SIPA1L3: variants seen among roughly 807,000 people sequenced by gnomAD.
SIPA1L3 encodes the protein signal-induced proliferation-associated 1-like protein 3.
SIPA1L3 carries 59 observed loss-of-function variants against 150.1 expected under a neutral mutation model. That is an observed-to-expected ratio of 0.39 (90% CI 0.32 to 0.49). The LOEUF is 0.49. Among genes scored for constraint, SIPA1L3 ranks in the 20% least tolerant of loss-of-function variants. The pLI is 0.86. For synonymous variants in SIPA1L3, 1,070 were observed against 1,077.6 expected (o/e 0.99, Z 0.14); for missense variants, 2,211 against 2,489.5 (o/e 0.89, Z 2.38).
intron 18 of SIPA1L3, among the ~76,000 whole-genome samples, chr19:38,196,026 C>T (rs926274996): frequency 6.6e-6 from 1 of 152,160 alleles, no homozygotes; most frequent in Non-Finnish European, 1.5e-5. Flanking sequence ...CTGACTCCCC[C>T]ACACCCCTGA....
intron 1 of SIPA1L3, among the ~76,000 whole-genome samples, chr19:37,961,688 A>G (rs1039848152): frequency 1.3e-5 from 2 of 151,994 alleles, no homozygotes; most frequent in African/African-American, 4.8e-5. Flanking sequence ...TTGGGCTATT[A>G]CTTGTTCAGA....
At chr19:38,089,671 C>G (rs1970219154) in intron 4 of SIPA1L3, among the ~76,000 whole-genome samples, 1 of 152,254 alleles carries the variant, frequency 6.6e-6, no homozygotes, top group Non-Finnish European at 1.5e-5. Flanking sequence ...GCCCATGGTC[C>G]TGGCTGGAAG....
At chr19:38,163,962 C>T (rs1600156715) in intron 14 of SIPA1L3, among the ~76,000 whole-genome samples, 1 of 152,212 alleles carries the variant, frequency 6.6e-6, no homozygotes, top group South Asian at 2.1e-4. Flanking sequence ...GCTGCACTGG[C>T]CCCAGGGGGA....
chr19:38,204,099 A>T lies in SIPA1L3; in HGVS notation c.5121-28A>T, dbSNP rs1232348876. On this transcript the variant is annotated intron_variant, in intron 20 of 21. Transcript: ENST00000222345. ...CCTTCCCCAGGGGCTTTAGGGCCTC[A>T]GGCTGACCTTGTCCCTGGTTTTTCC... 5.2e-6 allele frequency: 8 copies of T among 1,546,142 alleles called. No individual in the cohort carries two copies. The Middle Eastern group carries it at 7.3e-4, about 141-fold the overall frequency.
chr19:38,093,232 G>T (rs571102952), intron 4 of SIPA1L3, among the ~76,000 whole-genome samples: 1 of 152,268 alleles, frequency 6.6e-6, no homozygotes, highest in African/African-American at 2.4e-5. Flanking sequence ...AAACCTAGAG[G>T]AGGGGAGAGG....
At chr19:37,998,997 ACACACACACACACACC>A (rs1039330654) in intron 1 of SIPA1L3, among the ~76,000 whole-genome samples, 3 of 151,484 alleles carry the variant, frequency 2.0e-5, no homozygotes, top group Admixed American at 6.6e-5. Context: ...ACACACACAC[ACACACACACACACACC>A]CACACACACA....
intron 1 of SIPA1L3, among the ~76,000 whole-genome samples, chr19:38,021,844 C>T (rs895529391): frequency 4.6e-5 from 7 of 152,076 alleles, no homozygotes; most frequent in Non-Finnish European, 7.3e-5. Context: ...CTGCACCCCG[C>T]GTATGAATCC....
At chr19:38,199,380 C>A (rs966699630) in intron 19 of SIPA1L3, among the ~76,000 whole-genome samples, 5 of 152,176 alleles carry the variant, frequency 3.3e-5, no homozygotes, top group African/African-American at 1.2e-4. Flanking sequence ...ACACTGACCA[C>A]TCCCCCGCAA....
At chr19:38,157,246 G>A (rs1355428118) in intron 13 of SIPA1L3, among the ~76,000 whole-genome samples, 1 of 152,216 alleles carries the variant, frequency 6.6e-6, no homozygotes, top group African/African-American at 2.4e-5. Context: ...GCCCAGCCCC[G>A]ATGGAGCGAG....
At chr19:38,006,638 A>C (rs374230698) in intron 1 of SIPA1L3, among the ~76,000 whole-genome samples, 9 of 152,322 alleles carry the variant, frequency 5.9e-5, no homozygotes, top group African/African-American at 2.2e-4. Flanking sequence ...CAAGAGCACA[A>C]GGCGTGCGCA....
At chr19:37,952,628 G>A (rs1221895520) in intron 1 of SIPA1L3, among the ~76,000 whole-genome samples, 3 of 152,072 alleles carry the variant, frequency 2.0e-5, no homozygotes, top group South Asian at 2.1e-4. Flanking sequence ...AGCCAAGATC[G>A]TGCCATTGCA....
At chr19:37,909,728 G>A (rs1008987801) in intron 1 of SIPA1L3, among the ~76,000 whole-genome samples, 5 of 152,204 alleles carry the variant, frequency 3.3e-5, no homozygotes, top group Admixed American at 2.0e-4. Flanking sequence ...TGGTGTCAGC[G>A]GCTTAGAATA....
intron 1 of SIPA1L3, among the ~76,000 whole-genome samples, chr19:37,988,872 C>T (rs532414848): frequency 1.3e-5 from 2 of 152,224 alleles, no homozygotes; most frequent in African/African-American, 2.4e-5. Flanking sequence ...GATCTCTGCG[C>T]GGGCCGTCCT....
intron 3 of SIPA1L3, among the ~76,000 whole-genome samples, chr19:38,088,127 G>T (rs760454077): frequency 1.3e-5 from 2 of 152,254 alleles, no homozygotes; most frequent in Non-Finnish European, 2.9e-5. Flanking sequence ...AACTGGGGAT[G>T]GTCATTGCCA....
intron 15 of SIPA1L3, among the ~76,000 whole-genome samples, chr19:38,173,365 G>A (rs780457436): frequency 4.6e-5 from 7 of 152,214 alleles, no homozygotes; most frequent in East Asian, 1.9e-4. Flanking sequence ...CCAGACATTC[G>A]TCATGGGAGC....
rs376892364 is a variant in SIPA1L3, at chr19:37,926,213, C to T, written c.-379+18855C>T. ...GAGGGTTGGTAGTCCTCCCCCGATT[C>T]CTCCTGCATCTCACCATCCTCTTTC... On this transcript the variant is annotated intron_variant, in intron 1 of 21. Transcript: ENST00000222345. 2.5e-4 allele frequency among the ~76,000 whole-genome samples: 38 copies of T among 152,308 alleles called. No homozygotes were observed. In the East Asian group the frequency reaches 3.9e-3, roughly 15 times the overall value.
intron 1 of SIPA1L3, among the ~76,000 whole-genome samples, chr19:37,911,266 T>G (rs1288097931): frequency 6.6e-6 from 1 of 151,864 alleles, no homozygotes; most frequent in Non-Finnish European, 1.5e-5. Flanking sequence ...TGTGTGTGTG[T>G]GTGTATCGAC....
intron 2 of SIPA1L3, among the ~76,000 whole-genome samples, chr19:38,071,220 T>TCTAC (rs1568532219): frequency 6.7e-6 from 1 of 149,538 alleles, no homozygotes; most frequent in Non-Finnish European, 1.5e-5. Context: ...TATCTATCTA[T>TCTAC]CTATCTATCT....
At chr19:38,205,597 G>A (rs531712567) in intron 21 of SIPA1L3, among the ~76,000 whole-genome samples, 53 of 151,968 alleles carry the variant, frequency 3.5e-4, no homozygotes, top group Non-Finnish European at 4.1e-4. Flanking sequence ...TCTGACCCCC[G>A]CCCCACTGCA....
Sources: gnomAD v4.1 joint callset for allele counts (sites outside exome capture counted in the v4.1 genomes callset) on GRCh38, gnomAD v4.1.1 for gene constraint, MANE v1.5 for transcripts, NCBI Gene and HGNC (gene_info 2026-07-23, HGNC 2026-07-21) for gene names.